The following CCNH variants were observed in gnomAD, a reference collection of about 807,000 sequenced individuals.
CCNH encodes cyclin-H.
In CCNH, 31 loss-of-function variants were observed where a neutral mutation model predicts 41.9. The ratio of observed to expected loss-of-function variants is 0.74; its 90% CI spans 0.56 to 1.00. The LOEUF is 1.00. CCNH is among the 50% of genes least tolerant of loss of function. The probability of loss-of-function intolerance (pLI) is 0.00; values close to 1 mark genes in which losing one functional copy is unlikely to be tolerated. For missense variants in CCNH, 362 were observed against 388.4 expected (o/e 0.93, Z 0.57); for synonymous variants, 138 against 136.1 (o/e 1.01, Z -0.10).
At chr5:87,355,373 C>T (rs555432676) in intron 9 of CCNH, among the ~76,000 whole-genome samples, 1 of 152,210 alleles carries the variant, frequency 6.6e-6, no homozygotes, top group South Asian at 2.1e-4. Context: ...AGAATTATGC[C>T]AAATCTACTG....
intron 5 of CCNH, among the ~76,000 whole-genome samples, chr5:87,403,647 C>T (rs1018539704): frequency 2.6e-5 from 4 of 151,902 alleles, no homozygotes; most frequent in Admixed American, 1.3e-4. Context: ...CAAGGTGTGG[C>T]GGTGTGTGCC....
At chr5:87,406,540 G>A (rs184349563) in intron 4 of CCNH, among the ~76,000 whole-genome samples, 13 of 152,056 alleles carry the variant, frequency 8.5e-5, no homozygotes, top group Admixed American at 6.5e-4. Flanking sequence ...GAAAGTTTCT[G>A]AGCACTGACA....
At chr5:87,336,912 G>A (rs545497925) in intron 9 of CCNH, among the ~76,000 whole-genome samples, 3 of 152,160 alleles carry the variant, frequency 2.0e-5, no homozygotes, top group Non-Finnish European at 4.4e-5. Context: ...TGAGTTAAAT[G>A]TTGTATAATA....
At chr5:87,338,198 G>A (rs1025876283) in intron 9 of CCNH, 5 of 1,528,774 alleles carry the variant, frequency 3.3e-6, no homozygotes, top group Non-Finnish European at 4.4e-6. Context: ...TTTTATAAAA[G>A]AACTTAATTG....
chr5:87,390,530 ATGTGATAG>A (rs1385762146), downstream of CCNH, among the ~76,000 whole-genome samples: 1 of 152,096 alleles, frequency 6.6e-6, no homozygotes, highest in Non-Finnish European at 1.5e-5. Context: ...TTCTGACAAC[ATGTGATAG>A]TGTGATAGTT....
At chr5:87,316,825 A>G (rs1404299157), downstream of CCNH, among the ~76,000 whole-genome samples, 3 of 152,170 alleles carry the variant, frequency 2.0e-5, no homozygotes, top group Non-Finnish European at 1.5e-5. Flanking sequence ...AAGCGGCTCT[A>G]AAGTGCCAAG....
At chr5:87,340,557 ATAG>A (rs1758358605) in intron 9 of CCNH, among the ~76,000 whole-genome samples, 1 of 152,108 alleles carries the variant, frequency 6.6e-6, no homozygotes, top group Non-Finnish European at 1.5e-5. Context: ...TTTCTCCATA[ATAG>A]TGGAATGAGT....
At position 87,353,227 on chromosome 5, in the gene CCNH, C is replaced by T. The variant is rs532587037; in HGVS notation, c.*91-34330G>A. On this transcript the variant is annotated intron_variant and NMD_transcript_variant, in intron 9 of 9. Transcript: ENST00000645953. ...AGGATATTATCTTAAGGAACCTGTA[C>T]CAATGCAGGTCAGTGTTGCATTTCT... 105 of 1,602,280 alleles carry T rather than the reference C, an allele frequency of 6.6e-5. 1 individual carries two copies. In the South Asian group the frequency reaches 8.5e-4, roughly 13 times the overall value.
chr5:87,377,112 A>C (rs922267361), exon 1 of CCNH: 9 of 1,492,432 alleles, frequency 6.0e-6, no homozygotes, highest in East Asian at 2.3e-5. Context: ...TATGGACTCT[A>C]TCTCTGAATA....
chr5:87,325,845 A>G (rs534388715), intron 9 of CCNH, among the ~76,000 whole-genome samples: 51 of 152,330 alleles, frequency 3.3e-4, no homozygotes, highest in Admixed American at 3.1e-3. Context: ...CTGTATTCAC[A>G]CTAGGATATT....
At chr5:87,390,186 T>C (rs1245373976), downstream of CCNH, among the ~76,000 whole-genome samples, 2 of 152,144 alleles carry the variant, frequency 1.3e-5, no homozygotes, top group Admixed American at 6.6e-5. Flanking sequence ...ATATTGGAGA[T>C]ATAGAACAAA....
intron 9 of CCNH, chr5:87,369,737 A>G: frequency 1.1e-6 from 1 of 871,974 alleles, no homozygotes; most frequent in Non-Finnish European, 1.9e-6. Flanking sequence ...ATTTATTGTG[A>G]GTGTTTTGGA....
In CCNH at chr5:87,383,761, G is replaced by C. The variant is rs375135791; in HGVS notation, c.*90+9009C>G. 2.0e-5 allele frequency: 32 copies of C among 1,610,966 alleles called. No homozygotes were observed. The Admixed American group carries it at 2.2e-4, about 11-fold the overall frequency. On this transcript the variant is annotated intron_variant and NMD_transcript_variant, in intron 9 of 9. Coordinates refer to the CCNH transcript ENST00000645953. Reference sequence around the variant, plus strand: ...TCTGTCCTGCCATCCTGAATCCACGGATGTTCAATATCATCTCAGGTAATC... The same window carrying C: ...TCTGTCCTGCCATCCTGAATCCACGCATGTTCAATATCATCTCAGGTAATC...
chr5:87,337,409 A>G (rs986642419), intron 9 of CCNH, among the ~76,000 whole-genome samples: 2 of 152,090 alleles, frequency 1.3e-5, no homozygotes, highest in Non-Finnish European at 2.9e-5. Context: ...CCATTGGATA[A>G]TGGGTATCTG....
In CCNH at chr5:87,394,466, C is replaced by T. The variant is rs148031256; in HGVS notation, c.952G>A (p.Asp318Asn). 294 of 1,613,182 alleles carry T rather than the reference C, an allele frequency of 1.8e-4. 2 individuals are homozygous for T. Among genetic ancestry groups the T allele is most frequent in the South Asian group, 2.4e-4 (22 of 91,008 alleles). Residue 318 changes from aspartate to asparagine, a missense_variant, in exon 9 of 9, where the codon GAC becomes AAC. Coordinates refer to ENST00000256897, the MANE Select transcript of CCNH (RefSeq NM_001239.4). ...AATGGTTAGAGAGATTCTACCAGGT[C>T]GTCATCAGTCCATTCTTCCTAAGAA... Reference protein sequence around the residue: ...KHEEEEWTDDDLVESL With the variant: ...KHEEEEWTDDNLVESL
chr5:87,328,472 T>C (rs1233671949), intron 9 of CCNH, among the ~76,000 whole-genome samples: 1 of 152,228 alleles, frequency 6.6e-6, no homozygotes, highest in Non-Finnish European at 1.5e-5. Flanking sequence ...GCTGTGACTA[T>C]TTGTAGAGGC....
chr5:87,390,871 T>C (rs149297860), downstream of CCNH: 88 of 1,611,376 alleles, frequency 5.5e-5, no homozygotes, highest in Middle Eastern at 1.6e-4. Flanking sequence ...CAAAAACCAA[T>C]GATGTCAGGT....
At chr5:87,322,538 T>A (rs1446996347) in intron 9 of CCNH, among the ~76,000 whole-genome samples, 2 of 152,016 alleles carry the variant, frequency 1.3e-5, no homozygotes, top group East Asian at 3.9e-4. Context: ...GCCTGGCTCC[T>A]CCCCCCTTCT....
chr5:87,337,835 AC>A (rs1758083402), intron 9 of CCNH: 3 of 856,180 alleles, frequency 3.5e-6, no homozygotes, highest in Non-Finnish European at 5.0e-6. Flanking sequence ...GAAATAGGAT[AC>A]AAATTTAGGG....
Sources: gnomAD v4.1 joint callset for allele counts (sites outside exome capture counted in the v4.1 genomes callset) on GRCh38, gnomAD v4.1.1 for gene constraint, MANE v1.5 for transcripts, NCBI Gene and HGNC (gene_info 2026-07-23, HGNC 2026-07-21) for gene names.